GNA13: variants seen among roughly 807,000 people sequenced by gnomAD.
GNA13 encodes the protein G protein subunit alpha 13.
Under a neutral mutation model 33.5 loss-of-function variants are expected in GNA13, and 4 were observed. That is an observed-to-expected ratio of 0.12 (90% CI 0.06 to 0.27). The LOEUF (loss-of-function observed/expected upper bound fraction) is 0.27, where lower values mean the gene tolerates loss of function less well. Among genes scored for constraint, GNA13 ranks in the 10% least tolerant of loss-of-function variants. The pLI, the probability that GNA13 is intolerant of heterozygous loss-of-function variation, is 1.00. For missense variants in GNA13, 319 were observed against 487.2 expected, an observed-to-expected ratio of 0.65 and a Z score of 3.25; for synonymous variants, 176 against 183.8, an observed-to-expected ratio of 0.96 and a Z score of 0.34.
At position 65,014,444 on chromosome 17, in the gene GNA13, G is replaced by C; in HGVS notation, c.947C>G (p.Pro316Arg). 6.2e-7 allele frequency: 1 copy of C among 1,614,082 alleles called. No homozygotes were observed. The highest frequency in any genetic ancestry group is 8.5e-7 in the Non-Finnish European group (1 of 1,179,990). ...KDYFLEFEGD[P>R]HCLRDVQKFL... ...TTTTTGGACGTCTCTTAAGCAGTGG[G>C]GATCCCCTTCAAATTCTAGGAAATA... Residue 316 changes from proline to arginine, a missense_variant, in exon 4 of 4, where the codon CCC becomes CGC. By Grantham distance (103) the Pro-to-Arg change is moderately radical. Transcript: ENST00000439174. This position sits in a 1 kb window ranked among gnomAD's most constrained non-coding sequence, Gnocchi z 5.3.
chr17:65,036,843 T>C (rs1271176748), intron 2 of GNA13, among the ~76,000 whole-genome samples: 1 of 152,232 alleles, frequency 6.6e-6, no homozygotes, highest in Non-Finnish European at 1.5e-5. Context: ...TCTAGGTTAA[T>C]AAAGAGTGAT....
intron 1 of GNA13, among the ~76,000 whole-genome samples, chr17:65,055,210 G>A (rs576210811): frequency 1.3e-5 from 2 of 152,288 alleles, no homozygotes; most frequent in East Asian, 3.9e-4. Context: ...ACCAGGCGCT[G>A]CACCTAAATT....
At chr17:65,026,679 T>C (rs1906795594) in intron 2 of GNA13, among the ~76,000 whole-genome samples, 1 of 152,120 alleles carries the variant, frequency 6.6e-6, no homozygotes, top group Non-Finnish European at 1.5e-5. Context: ...TTTAAGAAAA[T>C]TGCATAGAAA....
In GNA13 at chr17:65,011,783, G is replaced by A. The variant is rs924098372; in HGVS notation, c.*2474C>T. ...CTTTTTTAGAGACTGGGGTAAGTTT[G>A]CATAGTGAAATTATGAGCACCTTTT... is the stretch of plus-strand genomic sequence containing the variant. On this transcript the variant is annotated 3_prime_UTR_variant, in exon 4 of 4. Coordinates refer to ENST00000439174, the MANE Select transcript of GNA13 (RefSeq NM_006572.6). 4.4e-6 allele frequency: 1 copy of A among 228,414 alleles called. No homozygotes were observed. Among genetic ancestry groups the A allele is most frequent in the East Asian group, 6.3e-5 (1 of 15,942 alleles). 14.1% of individuals were successfully genotyped at this position (228,414 alleles called of 1,614,324 possible).
At position 65,056,306 on chromosome 17, in the gene GNA13, G is replaced by A. The variant is rs779587506; in HGVS notation, c.283+5C>T. Reference sequence around the variant, plus strand: ...AACCCCCGGCCCCCATTCCCGGCCCGGCACCTTTGATCACGTTGCTGTAGA... The same window carrying A: ...AACCCCCGGCCCCCATTCCCGGCCCAGCACCTTTGATCACGTTGCTGTAGA... On this transcript the variant is annotated splice_donor_5th_base_variant and intron_variant, in intron 1 of 3. Coordinates refer to ENST00000439174, the MANE Select transcript of GNA13 (RefSeq NM_006572.6). 10 of 1,263,598 alleles carry A rather than the reference G, an allele frequency of 7.9e-6. No homozygotes were observed. The highest frequency in any genetic ancestry group is 2.1e-5 in the Admixed American group (1 of 47,772). The allele number at this position is 1,263,598 out of a possible 1,614,324, so 78.3% of individuals were successfully genotyped here.
chr17:65,052,409 C>G (rs1907888300), intron 2 of GNA13, among the ~76,000 whole-genome samples: 1 of 152,242 alleles, frequency 6.6e-6, no homozygotes, highest in Non-Finnish European at 1.5e-5. Context: ...CCGCCTCAGA[C>G]TCCCAAAGTG....
intron 2 of GNA13, among the ~76,000 whole-genome samples, chr17:65,039,314 A>C (rs138661966): frequency 1.5e-3 from 222 of 152,314 alleles, no homozygotes; most frequent in Non-Finnish European, 2.4e-3. Flanking sequence ...TAGGACGAAG[A>C]ACAGTATCTG....
intron 2 of GNA13, among the ~76,000 whole-genome samples, chr17:65,051,159 CTTTA>C: frequency 6.6e-6 from 1 of 152,264 alleles, no homozygotes; most frequent in Middle Eastern, 3.4e-3. Context: ...GTATGCAGTT[CTTTA>C]TTTATTCATT....
chr17:65,030,431 G>A lies in GNA13; in HGVS notation c.511-12128C>T, dbSNP rs538473641. On this transcript the variant is annotated intron_variant, in intron 2 of 3. Coordinates refer to ENST00000439174, the MANE Select transcript of GNA13 (RefSeq NM_006572.6). ...TTCTAATGATTAATACCGGAAATCT[G>A]ACAAAGGTCAAATTCTGATAATGAG... Among the ~76,000 whole-genome samples the A allele has an allele frequency of 2.9e-4, 44 of 152,304 alleles. No individual in the cohort carries two copies. In the South Asian group the frequency reaches 8.9e-3, roughly 31 times the overall value.
rs532417508 is a variant in GNA13 at position 65,013,194 on chromosome 17, T to C, written c.*1063A>G. On this transcript the variant is annotated 3_prime_UTR_variant, in exon 4 of 4. Transcript: ENST00000439174. ...GAATCTCAAATAATGCCTTCTTGAATAGTCTTGACAGAAAAATACTGCCCT... is the reference window on the plus strand; with the variant it reads ...GAATCTCAAATAATGCCTTCTTGAACAGTCTTGACAGAAAAATACTGCCCT... 87 of 204,970 alleles carry C rather than the reference T, an allele frequency of 4.2e-4. No individual in the cohort carries two copies. The highest frequency in any genetic ancestry group is 1.7e-3 in the African/African-American group (76 of 43,892). 12.7% of individuals were successfully genotyped at this position (204,970 alleles called of 1,614,324 possible).
chr17:65,036,156 C>T lies in GNA13; in HGVS notation c.510+17346G>A, dbSNP rs183350348. On this transcript the variant is annotated intron_variant, in intron 2 of 3. Transcript: ENST00000439174. ...CCAAACTCTCTCCAGAAGAAAATTT[C>T]CACACAGCCTATAAGGAGCACTAAA... 5.3e-5 allele frequency among the ~76,000 whole-genome samples: 8 copies of T among 152,336 alleles called. No individual in the cohort carries two copies. The East Asian group carries it at 1.3e-3, about 26-fold the overall frequency.
At chr17:65,056,244 G>GCCCCCCCCCCCCCCCCCCCCCCC in intron 1 of GNA13, 67 bp downstream of exon 1, 1 of 1,032,480 alleles carries the variant, frequency 9.7e-7, no homozygotes, top group Admixed American at 2.2e-5. Flanking sequence ...GCGGTGCCCC[G>GCCCCCCCCCCCCCCCCCCCCCCC]CCCCGCACCC....
chr17:65,056,143 C>T (rs893184377), intron 1 of GNA13, among the ~76,000 whole-genome samples, 168 bp downstream of exon 1: 1 of 151,832 alleles, frequency 6.6e-6, no homozygotes, highest in African/African-American at 2.4e-5. Flanking sequence ...GAGGGCACCC[C>T]GGGCGGGCAG....
chr17:65,010,011 TTCA>T lies in GNA13; in HGVS notation c.*4243_*4245del, dbSNP rs528770629. On this transcript the variant is annotated 3_prime_UTR_variant, in exon 4 of 4. Transcript: ENST00000439174. Reference sequence around the variant, plus strand: ...GCATACTCTGATCCACCTGTAAACTTTCATCATCAACAGCAGATTTGTATATGT... The same window carrying T: ...GCATACTCTGATCCACCTGTAAACTTTCATCAACAGCAGATTTGTATATGT... 1.5e-3 allele frequency among the ~76,000 whole-genome samples: 233 copies of T among 152,324 alleles called. No individual in the cohort carries two copies. The highest frequency in any genetic ancestry group is 4.7e-3 in the African/African-American group (195 of 41,586).
intron 2 of GNA13, among the ~76,000 whole-genome samples, chr17:65,025,798 T>C (rs904882546): frequency 4.1e-4 from 50 of 122,218 alleles, no homozygotes; most frequent in Non-Finnish European, 7.4e-4. Context: ...CTAGAACACA[T>C]AGAGAGATCC....
chr17:65,040,383 GTTAAAAATAGCAAATCATTTGT>G (rs1280241049), intron 2 of GNA13, among the ~76,000 whole-genome samples: 2 of 152,196 alleles, frequency 1.3e-5, no homozygotes, highest in Admixed American at 1.3e-4. Flanking sequence ...GCTGGTAACA[GTTAAAAATAGCAAATCATTTGT>G]ATTATAATAT....
At chr17:65,049,213 G>A (rs942029360) in intron 2 of GNA13, among the ~76,000 whole-genome samples, 3 of 152,066 alleles carry the variant, frequency 2.0e-5, no homozygotes, top group Non-Finnish European at 4.4e-5. Context: ...GAGTTCAAGC[G>A]ATTCTCGTGC....
chr17:65,018,805 G>T (rs919090682), intron 2 of GNA13, among the ~76,000 whole-genome samples: 2 of 152,128 alleles, frequency 1.3e-5, no homozygotes, highest in Non-Finnish European at 2.9e-5. Flanking sequence ...TGCTCAGGAA[G>T]GCCCTGGATA....
chr17:65,056,092 G>C (rs1156696493), intron 1 of GNA13, among the ~76,000 whole-genome samples: 1 of 151,844 alleles, frequency 6.6e-6, no homozygotes, highest in Non-Finnish European at 1.5e-5. Flanking sequence ...AGACAAGCGG[G>C]AGAGCAGGGC....
Sources: allele counts gnomAD v4.1 joint callset (sites outside exome capture counted in the v4.1 genomes callset), GRCh38; gene constraint gnomAD v4.1.1; non-coding constraint Gnocchi (gnomAD v3.1); transcripts MANE v1.5; gene names NCBI Gene and HGNC (gene_info 2026-07-23, HGNC 2026-07-21).